SHC2: variants seen among roughly 807,000 people sequenced by gnomAD.
The protein encoded by SHC2 is SHC adaptor protein 2.
Under a neutral mutation model 60.6 loss-of-function variants are expected in SHC2, and 62 were observed. The ratio of observed to expected loss-of-function variants is 1.02; its 90% confidence interval spans 0.83 to 1.26. The LOEUF (loss-of-function observed/expected upper bound fraction) is 1.26, where lower values mean the gene tolerates loss of function less well. Among genes scored for constraint, SHC2 ranks in the 50% most tolerant of loss-of-function variants. The pLI is 0.00. For missense variants in SHC2, 873 were observed against 822.2 expected (o/e 1.06, Z -0.76); for synonymous variants, 375 against 372.4 (o/e 1.01, Z -0.08).
Position 460,779 on chromosome 19 carries a change from G to C in SHC2, c.218C>G (p.Pro73Arg), listed in dbSNP as rs1291084958. 1.0e-6 allele frequency: 1 copy of C among 979,008 alleles called. No individual in the cohort carries two copies. The highest frequency in any genetic ancestry group is 1.2e-6 in the Non-Finnish European group (1 of 827,356). The allele number at this position is 979,008 out of a possible 1,614,324, so 60.6% of individuals were successfully genotyped here. A position where few individuals can be genotyped will look rare whatever the true frequency, so the allele number is the denominator to read the frequency against. ...GCCCAGGACGGCGGCCGCCAGCGCC[G>C]GGACGCCCCCCGGGCCCGCCGGCTC... ...QPEPAGPGGV[P>R]ALAAAVLGAC... The change falls in exon 1 of 13, where the codon CCG (proline) becomes CGG (arginine). Residue 73 changes from proline to arginine, a missense_variant. Transcript: ENST00000264554.
In SHC2 at chr19:430,678, T is replaced by A. The variant is rs771799220; in HGVS notation, c.1174+6A>T. The A allele has an allele frequency of 1.9e-6, 3 of 1,612,420 alleles. No homozygotes were observed. The South Asian group carries it at 3.3e-5, about 18-fold the overall frequency. On this transcript the variant is annotated splice_donor_region_variant and intron_variant, in intron 9 of 12. Coordinates refer to ENST00000264554, the MANE Select transcript of SHC2 (RefSeq NM_012435.3). ...GGGTACCCCTTGCAGCCCCAGCCCA[T>A]CCTACCTGTACCGGTGGACCCCACG...
rs554330637 is a variant in SHC2, at chr19:438,926, C to T, written c.600+44G>A. ...ATGGCCGCAGCGTCCCCACAGCCCC[C>T]GACTGCCCCACCAGCCCCACGAGAG... On this transcript the variant is annotated intron_variant, in intron 3 of 12. Transcript: ENST00000264554. This position sits in a 1 kb window ranked among gnomAD's most constrained non-coding sequence, Gnocchi z 5.0. 8 of 1,566,854 alleles carry T rather than the reference C, an allele frequency of 5.1e-6. No individual in the cohort carries two copies. Among genetic ancestry groups the T allele is most frequent in the Middle Eastern group, 1.7e-4 (1 of 5,994 alleles).
Position 425,320 on chromosome 19 carries a change from C to T in SHC2, c.1175-89G>A, listed in dbSNP as rs559068989. 1.8e-6 allele frequency: 2 copies of T among 1,084,854 alleles called. No homozygotes were observed. Among genetic ancestry groups the T allele is most frequent in the Non-Finnish European group, 2.4e-6 (2 of 845,262 alleles). The allele number at this position is 1,084,854 out of a possible 1,614,324, so 67.2% of individuals were successfully genotyped here. A position where few individuals can be genotyped will look rare whatever the true frequency, so the allele number is the denominator to read the frequency against. ...AGGCGGGGTCCCACGAGGAGCTCCC[C>T]CGGCCACCACCTGTGCTGCTGGCTG... On this transcript the variant is annotated intron_variant, in intron 9 of 12. Coordinates refer to ENST00000264554, the MANE Select transcript of SHC2 (RefSeq NM_012435.3). This position sits in a 1 kb window ranked among gnomAD's most constrained non-coding sequence, Gnocchi z 4.1.
intron 1 of SHC2, among the ~76,000 whole-genome samples, chr19:456,579 A>C (rs1975347457): frequency 2.1e-5 from 3 of 145,014 alleles, no homozygotes; most frequent in South Asian, 2.3e-4. Flanking sequence ...AACCACCCCC[A>C]CTCCTCACCA....
chr19:455,244 G>A (rs150729109), intron 1 of SHC2, among the ~76,000 whole-genome samples: 69 of 152,264 alleles, frequency 4.5e-4, no homozygotes, highest in African/African-American at 1.5e-3. Flanking sequence ...TCCCTTTGGC[G>A]CCCAGCAGCT....
chr19:431,660 T>A (rs1600288227), intron 8 of SHC2, among the ~76,000 whole-genome samples: 1 of 17,300 alleles, frequency 5.8e-5, no homozygotes, highest in Non-Finnish European at 8.4e-5. Flanking sequence ...GCGGGGCAGA[T>A]AGATGGCGCT....
rs370978061 is a variant in SHC2, at chr19:436,440, G to A, written c.775-9C>T. 4.0e-4 allele frequency: 642 copies of A among 1,601,720 alleles called. 3 individuals carry two copies. The highest frequency in any genetic ancestry group is 1.8e-4 in the East Asian group (8 of 44,710). On this transcript the variant is annotated splice_polypyrimidine_tract_variant and intron_variant, in intron 5 of 12. Transcript: ENST00000264554. ...ACGTAATCCGTCATGTCCTGGGGGC[G>A]GGGAGGGGCCAGCTGGACCTGCCTG...
rs1252045492 is a variant in SHC2, at chr19:419,024, G to C, written c.1653C>G (p.Ile551Met). Reference sequence around the variant, plus strand: ...GCAGGTGGTGGTCGATCAGGTGGCTGATGCTCTCAAACAGCACGTCCTTCG... The same window carrying C: ...GCAGGTGGTGGTCGATCAGGTGGCTCATGCTCTCAAACAGCACGTCCTTCG... ...VRTKDVLFES[I>M]SHLIDHHLQN... is the part of the protein sequence containing the mutation. The change falls in exon 12 of 13, where the codon ATC (isoleucine) becomes ATG (methionine). Residue 551 changes from isoleucine to methionine, a missense_variant. Coordinates refer to ENST00000264554, the MANE Select transcript of SHC2 (RefSeq NM_012435.3). 6.3e-7 allele frequency: 1 copy of C among 1,586,740 alleles called. No homozygotes were observed. Among genetic ancestry groups the C allele is most frequent in the Non-Finnish European group, 8.6e-7 (1 of 1,166,876 alleles).
At position 440,604 on chromosome 19, in the gene SHC2, C is replaced by G. The variant is rs1390244970; in HGVS notation, c.539+258G>C. On this transcript the variant is annotated intron_variant, in intron 2 of 12. Transcript: ENST00000264554. This position sits in a 1 kb window ranked among gnomAD's most constrained non-coding sequence, Gnocchi z 7.0. Reference sequence around the variant, plus strand: ...CCCTGCACCCCACGCCGTGCGGGGACTTGCCCAGCACCCTGTGAGCGACCG... The same window carrying G: ...CCCTGCACCCCACGCCGTGCGGGGAGTTGCCCAGCACCCTGTGAGCGACCG... Among the ~76,000 whole-genome samples the G allele has an allele frequency of 6.6e-6, 1 of 152,206 alleles. No homozygotes were observed. The highest frequency in any genetic ancestry group is 2.4e-5 in the African/African-American group (1 of 41,438).
rs1974397755 is a variant in SHC2, at chr19:425,613, G to C, written c.1175-382C>G. On this transcript the variant is annotated intron_variant, in intron 9 of 12. Coordinates refer to ENST00000264554, the MANE Select transcript of SHC2 (RefSeq NM_012435.3). This position sits in a 1 kb window ranked among gnomAD's most constrained non-coding sequence, Gnocchi z 4.1. ...GTCTCCACATTTAAAAATAATCACA[G>C]TAACTCTGCTTCCCTGTAATTATGC... 6.6e-6 allele frequency among the ~76,000 whole-genome samples: 1 copy of C among 152,222 alleles called. No homozygotes were observed.
chr19:450,146 A>G (rs1483072564), intron 1 of SHC2, among the ~76,000 whole-genome samples: 3 of 152,102 alleles, frequency 2.0e-5, no homozygotes, highest in African/African-American at 7.2e-5. Context: ...GTTGGCCATC[A>G]TCGCGAGGCT....
Position 438,872 on chromosome 19 carries a change from T to G in SHC2, c.601-35A>C. 1 of 1,555,826 alleles carries G rather than the reference T, an allele frequency of 6.4e-7. No homozygotes were observed. The highest frequency in any genetic ancestry group is 1.2e-5 in the South Asian group (1 of 84,510). ...GGGCGGAGCACAGCGAGGGCGGCTG[T>G]GGGTGGGGGCTGTCGAGGGGCTCCC... On this transcript the variant is annotated intron_variant, in intron 3 of 12. Coordinates refer to ENST00000264554, the MANE Select transcript of SHC2 (RefSeq NM_012435.3). This position sits in a 1 kb window ranked among gnomAD's most constrained non-coding sequence, Gnocchi z 5.0.
rs1975522534 is a variant in SHC2 at position 460,559 on chromosome 19, GAC to G, written c.436_437del (p.Val146ProfsTer27). 6.4e-6 allele frequency: 9 copies of G among 1,417,198 alleles called. No homozygotes were observed. The highest frequency in any genetic ancestry group is 8.3e-6 in the Non-Finnish European group (9 of 1,080,256). 87.8% of individuals were successfully genotyped at this position (1,417,198 alleles called of 1,614,324 possible). On this transcript the variant is annotated frameshift_variant, in exon 1 of 13. Transcript: ENST00000264554. LOFTEE classifies it high-confidence loss of function. ...AHGWLHPDAR[V>X]LGPGVSYVVR... is the part of the protein sequence containing the mutation. Reference sequence around the variant, plus strand: ...CGACGTAGGAGACCCCGGGCCCCAGGACCCTGGCGTCGGGGTGTAGCCAGCCG... The same window carrying G: ...CGACGTAGGAGACCCCGGGCCCCAGGCCTGGCGTCGGGGTGTAGCCAGCCG...
chr19:451,510 C>A (rs1026210870), intron 1 of SHC2, among the ~76,000 whole-genome samples: 6 of 152,224 alleles, frequency 3.9e-5, no homozygotes, highest in Non-Finnish European at 5.9e-5. Flanking sequence ...TACAAACATC[C>A]CCTCAAGTCC....
In SHC2 at chr19:422,425, C is replaced by T; in HGVS notation, c.1341G>A (p.Glu447=). ...CTGTCACGCCTGCCGCCACTGAGCA[C>T]TCATGCAACTTCAGGGCATCCTCAA... ...RPFEDALKLH[E]CSVAAGVTAA... Residue 447 remains glutamate (E), a synonymous_variant, in exon 11 of 13, where the codon GAG becomes GAA. Transcript: ENST00000264554. The surrounding 1 kb of genome is among the most constrained non-coding windows in gnomAD (Gnocchi z 5.0). The T allele has an allele frequency of 6.3e-7, 1 of 1,582,200 alleles. No homozygotes were observed. The highest frequency in any genetic ancestry group is 8.6e-7 in the Non-Finnish European group (1 of 1,163,494).
Position 441,649 on chromosome 19 carries a change from T to C in SHC2, c.469-717A>G, listed in dbSNP as rs1297410504. On this transcript the variant is annotated intron_variant, in intron 1 of 12. Transcript: ENST00000264554. This position sits in a 1 kb window ranked among gnomAD's most constrained non-coding sequence, Gnocchi z 4.9. ...ATGTCCTACAGAGGCAGCAAGAGCA[T>C]GTGTGGGTGCCAGGAGCCGGGGAAT... 6.6e-6 allele frequency among the ~76,000 whole-genome samples: 1 copy of C among 152,132 alleles called. No homozygotes were observed. Among genetic ancestry groups the C allele is most frequent in the Non-Finnish European group, 1.5e-5 (1 of 68,020 alleles).
chr19:458,762 AGGCGG>A, intron 1 of SHC2, among the ~76,000 whole-genome samples: 2 of 123,466 alleles, frequency 1.6e-5, no homozygotes, highest in Non-Finnish European at 1.7e-5. Context: ...GGTCCCGGGG[AGGCGG>A]AGGCGGGTTC....
At position 446,632 on chromosome 19, in the gene SHC2, T is replaced by G. The variant is rs1975060755; in HGVS notation, c.469-5700A>C. On this transcript the variant is annotated intron_variant, in intron 1 of 12. Coordinates refer to ENST00000264554, the MANE Select transcript of SHC2 (RefSeq NM_012435.3). The surrounding 1 kb of genome is among the most constrained non-coding windows in gnomAD (Gnocchi z 5.4). ...CTGTGTTGTTTTAAGCCCCACAGTT[T>G]GTGGTGGTTTGTGGTGGCAGCCCCG... Among the ~76,000 whole-genome samples, 1 of 152,182 alleles carries G rather than the reference T, an allele frequency of 6.6e-6. No homozygotes were observed. The highest frequency in any genetic ancestry group is 2.1e-4 in the South Asian group (1 of 4,830).
At chr19:447,165 G>A (rs1308429311) in intron 1 of SHC2, among the ~76,000 whole-genome samples, 3 of 152,336 alleles carry the variant, frequency 2.0e-5, no homozygotes, top group South Asian at 2.1e-4. Context: ...GCAAGTCTCC[G>A]ATACGGGCCA....
Sources: allele counts gnomAD v4.1 joint callset (sites outside exome capture counted in the v4.1 genomes callset), GRCh38; gene constraint gnomAD v4.1.1; non-coding constraint Gnocchi (gnomAD v3.1); transcripts MANE v1.5; gene names NCBI Gene and HGNC (gene_info 2026-07-23, HGNC 2026-07-21).